The following SIM1 variants were observed in gnomAD, a reference collection of about 807,000 sequenced individuals.
SIM1 encodes the protein SIM bHLH transcription factor 1.
Under a neutral mutation model 78.2 loss-of-function variants are expected in SIM1, and 18 were observed. That is an observed-to-expected ratio of 0.23 (90% CI 0.16 to 0.34). The LOEUF (loss-of-function observed/expected upper bound fraction) is 0.34. Among genes scored for constraint, SIM1 ranks in the 10% least tolerant of loss-of-function variants. SIM1 has a pLI of 1.00. For synonymous variants in SIM1, 417 were observed against 385.2 expected, an observed-to-expected ratio of 1.08 and a Z score of -0.97; for missense variants, 939 against 975.1, an observed-to-expected ratio of 0.96 and a Z score of 0.49.
rs1772918050 is a variant in SIM1, at chr6:100,463,752, A to G, written c.-284T>C. On this transcript the variant is annotated 5_prime_UTR_variant, in exon 2 of 12. Coordinates refer to ENST00000369208, the MANE Select transcript of SIM1 (RefSeq NM_005068.3). ...ATTTGGGCAATCCTGAGGGTCGTTCAGGGTATCAAATGCCAGTGGGACCCC... is the reference window on the plus strand; with the variant it reads ...ATTTGGGCAATCCTGAGGGTCGTTCGGGGTATCAAATGCCAGTGGGACCCC... 1.4e-5 allele frequency: 4 copies of G among 288,618 alleles called. No homozygotes were observed. The highest frequency in any genetic ancestry group is 4.3e-5 in the African/African-American group (2 of 46,626). 17.9% of individuals were successfully genotyped at this position (288,618 alleles called of 1,614,324 possible). A position where few individuals can be genotyped will look rare whatever the true frequency, so the allele number is the denominator to read the frequency against.
At chr6:100,402,550 A>C (rs1431713245) in intron 10 of SIM1, among the ~76,000 whole-genome samples, 32 of 72,726 alleles carry the variant, frequency 4.4e-4, no homozygotes, top group African/African-American at 1.3e-3. Flanking sequence ...TATTGACATT[A>C]TTTTCTTTTC....
Position 100,432,341 on chromosome 6 carries a change from C to T in SIM1, c.999-11383G>A, listed in dbSNP as rs536482789. Among the ~76,000 whole-genome samples, 30 of 152,230 alleles carry T rather than the reference C, an allele frequency of 2.0e-4. No homozygotes were observed. In the South Asian group the frequency reaches 3.7e-3, roughly 19 times the overall value. On this transcript the variant is annotated intron_variant, in intron 9 of 11. Transcript: ENST00000369208. The stretch of plus-strand genomic sequence containing the variant: ...TTTGTAGGTCTGGGGTTGAGCCCAA[C>T]GATTTGCATTCTTAACAAGCTACTG...
intron 9 of SIM1, 77 bp downstream of exon 9, chr6:100,447,190 CG>C: frequency 3.3e-6 from 5 of 1,527,898 alleles, no homozygotes; most frequent in Non-Finnish European, 4.4e-6. Flanking sequence ...TTGTCTAACC[CG>C]GCCGTGCCGC....
intron 8 of SIM1, 65 bp from the exon 9 acceptor site, chr6:100,447,480 TC>T: frequency 6.3e-7 from 1 of 1,589,330 alleles, no homozygotes; most frequent in South Asian, 1.1e-5. Flanking sequence ...CCAAATGCAA[TC>T]CCTGGTGGTA....
chr6:100,449,253 G>T (rs1772448655), intron 6 of SIM1, 110 bp downstream of exon 6: 2 of 847,266 alleles, frequency 2.4e-6, no homozygotes, highest in East Asian at 5.3e-5. Flanking sequence ...ACGCAAGCTG[G>T]GGGTGCCCTT....
rs372633250 is a variant in SIM1, at chr6:100,393,577, C to T, written c.1480G>A (p.Ala494Thr). Residue 494 changes from alanine to threonine, a missense_variant, in exon 11 of 12, where the codon GCA (alanine) becomes ACA (threonine). By Grantham distance (58) the Ala-to-Thr change is moderately conservative. Around this residue, in one of 5 missense-constraint regions of SIM1, gnomAD observed 556 missense variants for 521.9 expected, o/e 1.07. Coordinates refer to ENST00000369208, the MANE Select transcript of SIM1 (RefSeq NM_005068.3). ...GAGGCCTTTGTCAGGGGCAAGGCTG[C>T]GCGAGAGCCCCACCAGGGCTCCCTC... is the stretch of plus-strand genomic sequence containing the variant. Reference protein sequence around the residue: ...AGREPWWGSRAALPLTKASPE... With the variant: ...AGREPWWGSRTALPLTKASPE... The T allele has an allele frequency of 2.5e-6, 4 of 1,613,396 alleles. No homozygotes were observed. The highest frequency in any genetic ancestry group is 2.5e-6 in the Non-Finnish European group (3 of 1,179,420).
chr6:100,398,248 T>C (rs1770815649), intron 10 of SIM1, among the ~76,000 whole-genome samples: 1 of 152,178 alleles, frequency 6.6e-6, no homozygotes, highest in Non-Finnish European at 1.5e-5. Context: ...TCTTTAATTG[T>C]TTCCTTTCTT....
At chr6:100,412,697 AAGAAAGAAAGAAAG>A (rs1771263970) in intron 10 of SIM1, among the ~76,000 whole-genome samples, 1 of 114,404 alleles carries the variant, frequency 8.7e-6, no homozygotes, top group South Asian at 2.7e-4. Context: ...GAAAGAAAGA[AAGAAAGAAAGAAAG>A]AAAGAAAGAA....
rs186468845 is a variant in SIM1, at chr6:100,402,785, C to T, written c.1168-8896G>A. 1.1e-3 allele frequency among the ~76,000 whole-genome samples: 173 copies of T among 151,986 alleles called. 1 individual carries two copies. The East Asian group carries it at 0.019, about 17-fold the overall frequency. On this transcript the variant is annotated intron_variant, in intron 10 of 11. Coordinates refer to ENST00000369208, the MANE Select transcript of SIM1 (RefSeq NM_005068.3). The stretch of plus-strand genomic sequence containing the variant: ...GTAGAGACGGGGTTTCCCGTGTTAG[C>T]CAGGATGGTCTCGATCTCCTGACCT...
chr6:100,450,874 G>T (rs1011859884), intron 3 of SIM1, among the ~76,000 whole-genome samples: 2 of 152,126 alleles, frequency 1.3e-5, no homozygotes, highest in Admixed American at 1.3e-4. Context: ...AAGAAAGCTG[G>T]CCAGTGACTC....
chr6:100,438,987 G>A (rs373365345), intron 9 of SIM1, among the ~76,000 whole-genome samples: 2 of 152,146 alleles, frequency 1.3e-5, no homozygotes, highest in Non-Finnish European at 2.9e-5. Context: ...TGAGGAATAA[G>A]ACTGCATATT....
rs241817 is a variant in SIM1, at chr6:100,413,251, T to C, written c.1167+7539A>G. ...GTCTCATCACTCTCCTGCTTCTTTC[T>C]CCATCTACCCCCATCACCTTGGTGG... is the stretch of plus-strand genomic sequence containing the variant. On this transcript the variant is annotated intron_variant, in intron 10 of 11. Coordinates refer to ENST00000369208, the MANE Select transcript of SIM1 (RefSeq NM_005068.3). Among the ~76,000 whole-genome samples, 1,075 of 152,298 alleles carry C rather than the reference T, an allele frequency of 7.1e-3. 10 individuals carry two copies. In the Middle Eastern group the frequency reaches 0.071, roughly 10 times the overall value.
intron 10 of SIM1, among the ~76,000 whole-genome samples, chr6:100,413,897 C>A (rs1195908186): frequency 1.3e-5 from 2 of 152,204 alleles, no homozygotes; most frequent in Admixed American, 6.5e-5. Context: ...CTTTACCCTT[C>A]TGCACACTGT....
intron 6 of SIM1, among the ~76,000 whole-genome samples, chr6:100,449,146 G>C (rs1394443869): frequency 6.6e-6 from 1 of 152,218 alleles, no homozygotes; most frequent in African/African-American, 2.4e-5. Context: ...CGGCCACCCA[G>C]TATTGGGACC....
At chr6:100,396,545 G>T (rs146187383) in intron 10 of SIM1, among the ~76,000 whole-genome samples, 2 of 152,284 alleles carry the variant, frequency 1.3e-5, no homozygotes, top group East Asian at 3.9e-4. Context: ...GAAACTACAA[G>T]AATACCAAGC....
chr6:100,400,725 C>A (rs943669475), intron 10 of SIM1, among the ~76,000 whole-genome samples: 1 of 152,014 alleles, frequency 6.6e-6, no homozygotes, highest in African/African-American at 2.4e-5. Flanking sequence ...CTAAATAAAT[C>A]CATGGGTCCA....
Position 100,390,838 on chromosome 6 carries a change from G to A in SIM1, c.1824C>T (p.Asn608=), listed in dbSNP as rs552646696. The A allele has an allele frequency of 6.2e-7, 1 of 1,614,194 alleles. No individual in the cohort carries two copies. Among genetic ancestry groups the A allele is most frequent in the East Asian group, 2.2e-5 (1 of 44,880 alleles). ...AGKKHSLCFA[N]YQQPPPTGEV... ...CACCTGTTGGTGGGGGCTGTTGGTA[G>A]TTTGCAAAACACAGGGAGTGTTTTT... The change falls in exon 12 of 12, where the codon AAC becomes AAT. Residue 608 remains asparagine, a synonymous_variant. Transcript: ENST00000369208.
rs1233531557 is a variant in SIM1 at position 100,408,936 on chromosome 6, G to A, written c.1167+11854C>T. Among the ~76,000 whole-genome samples the A allele has an allele frequency of 5.3e-5, 8 of 152,146 alleles. No homozygotes were observed. The East Asian group carries it at 1.3e-3, about 26-fold the overall frequency. ...ATGTTGGCCTTGTAAAATGAGTTTG[G>A]AAATGTTTCTTCTTCAATTTTTTGG... On this transcript the variant is annotated intron_variant, in intron 10 of 11. Coordinates refer to ENST00000369208, the MANE Select transcript of SIM1 (RefSeq NM_005068.3).
chr6:100,397,006 G>C lies in SIM1; in HGVS notation c.1168-3117C>G, dbSNP rs969480592. ...TATCCTTTTTAGTTTTGAAATGTTT[G>C]ATTCCTGTGCCTGTCCCTACATCTC... On this transcript the variant is annotated intron_variant, in intron 10 of 11. Coordinates refer to ENST00000369208, the MANE Select transcript of SIM1 (RefSeq NM_005068.3). 2.0e-5 allele frequency among the ~76,000 whole-genome samples: 3 copies of C among 152,076 alleles called. No homozygotes were observed. The South Asian group carries it at 6.2e-4, about 32-fold the overall frequency.
Sources: allele counts gnomAD v4.1 joint callset (sites outside exome capture counted in the v4.1 genomes callset), GRCh38; gene constraint gnomAD v4.1.1; regional missense constraint gnomAD v4.1.1; transcripts MANE v1.5; gene names NCBI Gene and HGNC (gene_info 2026-07-23, HGNC 2026-07-21).